TSPAN18: variants seen among roughly 807,000 people sequenced by gnomAD.
TSPAN18 encodes the protein tetraspanin 18, also known as tetraspanin-18.
TSPAN18 carries 14 observed loss-of-function variants against 27.3 expected under a neutral mutation model. The ratio of observed to expected loss-of-function variants is 0.51; its 90% confidence interval spans 0.34 to 0.80. The LOEUF (loss-of-function observed/expected upper bound fraction) is 0.80, where lower values mean the gene tolerates loss of function less well. Ranked by LOEUF, TSPAN18 falls within the 30% of genes least tolerant of loss-of-function variation. The pLI is 0.01. For missense variants in TSPAN18, 268 were observed against 323.9 expected, an observed-to-expected ratio of 0.83 and a Z score of 1.32; for synonymous variants, 143 against 136.5, an observed-to-expected ratio of 1.05 and a Z score of -0.33.
At chr11:44,817,066 G>A (rs932899889) in intron 2 of TSPAN18, among the ~76,000 whole-genome samples, 2 of 152,216 alleles carry the variant, frequency 1.3e-5, no homozygotes, top group African/African-American at 4.8e-5. Flanking sequence ...GAAGTGTGAG[G>A]CTGGAGGCGA....
In TSPAN18 at chr11:44,903,393, G is replaced by A. The variant is rs571964105; in HGVS notation, c.-10-3014G>A. On this transcript the variant is annotated intron_variant, in intron 3 of 9. Transcript: ENST00000520358. ...CTCCTTTGATGGTGGTGATAGGAAA[G>A]TCAGGGCAGGAATAACAAGAGGTGG... The A allele has an allele frequency of 9.6e-5, 42 of 436,144 alleles. No homozygotes were observed. The East Asian group carries it at 2.9e-3, about 31-fold the overall frequency. 27.0% of individuals were successfully genotyped at this position (436,144 alleles called of 1,614,324 possible).
chr11:44,839,147 A>G (rs1014772702), intron 2 of TSPAN18, among the ~76,000 whole-genome samples: 3 of 152,132 alleles, frequency 2.0e-5, no homozygotes, highest in Admixed American at 2.0e-4. Flanking sequence ...TGAGTTTCCA[A>G]CCCGACTGTT....
chr11:44,876,579 A>G (rs1464086501), intron 3 of TSPAN18, among the ~76,000 whole-genome samples: 1 of 152,204 alleles, frequency 6.6e-6, no homozygotes, highest in African/African-American at 2.4e-5. Flanking sequence ...ACCAAGGAAG[A>G]AAAGGTATTG....
At chr11:44,789,766 A>T (rs1856147512) in intron 2 of TSPAN18, among the ~76,000 whole-genome samples, 3 of 152,228 alleles carry the variant, frequency 2.0e-5, no homozygotes, top group Admixed American at 2.0e-4. Flanking sequence ...CTTGACTGTC[A>T]ACAGGACACC....
intron 2 of TSPAN18, among the ~76,000 whole-genome samples, chr11:44,778,448 A>C (rs1193272441): frequency 6.6e-6 from 1 of 152,158 alleles, no homozygotes; most frequent in Non-Finnish European, 1.5e-5. Flanking sequence ...CAAGCTAGGC[A>C]GGCACTATCT....
intron 2 of TSPAN18, among the ~76,000 whole-genome samples, chr11:44,805,483 CCGTGTTCCTCTCAAG>C (rs937824468): frequency 3.9e-5 from 6 of 152,168 alleles, no homozygotes; most frequent in African/African-American, 1.4e-4. Context: ...TCCAGGAAGC[CCGTGTTCCTCTCAAG>C]ATGAGATTGG....
chr11:44,894,789 G>A (rs1858983193), intron 3 of TSPAN18, among the ~76,000 whole-genome samples: 1 of 152,234 alleles, frequency 6.6e-6, no homozygotes, highest in Non-Finnish European at 1.5e-5. Context: ...CTGGGCCTCT[G>A]TGCCTCGCTG....
intron 3 of TSPAN18, among the ~76,000 whole-genome samples, chr11:44,904,423 T>C (rs933160766): frequency 6.6e-6 from 1 of 152,242 alleles, no homozygotes; most frequent in Non-Finnish European, 1.5e-5. Context: ...GACCTTCCTC[T>C]TGGGCTCCAG....
intron 1 of TSPAN18, among the ~76,000 whole-genome samples, chr11:44,745,125 A>G (rs986064841): frequency 6.6e-6 from 1 of 152,230 alleles, no homozygotes; most frequent in Non-Finnish European, 1.5e-5. Flanking sequence ...TGAGGGTCCA[A>G]TATGGGGCTG....
intron 1 of TSPAN18, among the ~76,000 whole-genome samples, chr11:44,753,292 C>T (rs1396460435): frequency 6.6e-6 from 1 of 152,058 alleles, no homozygotes; most frequent in African/African-American, 2.4e-5. Context: ...CCACCACACC[C>T]AGCTAATTTT....
At chr11:44,817,858 C>T (rs1024651648) in intron 2 of TSPAN18, among the ~76,000 whole-genome samples, 1 of 152,250 alleles carries the variant, frequency 6.6e-6, no homozygotes, top group Non-Finnish European at 1.5e-5. Flanking sequence ...GCTGAAGTCA[C>T]CCAGGTCACC....
chr11:44,918,542 C>A (rs1323435021), intron 6 of TSPAN18, among the ~76,000 whole-genome samples: 2 of 51,864 alleles, frequency 3.9e-5, no homozygotes, highest in African/African-American at 1.5e-4. Flanking sequence ...GAGACTGGGG[C>A]GGGGGGTTGG....
At chr11:44,751,189 CAT>C (rs1855202472) in intron 1 of TSPAN18, among the ~76,000 whole-genome samples, 1 of 152,184 alleles carries the variant, frequency 6.6e-6, no homozygotes, top group Non-Finnish European at 1.5e-5. Flanking sequence ...GGAAGAAACA[CAT>C]GTGAATTCAA....
chr11:44,735,882 G>T (rs1236610305), intron 1 of TSPAN18, among the ~76,000 whole-genome samples: 2 of 152,124 alleles, frequency 1.3e-5, no homozygotes, highest in Non-Finnish European at 2.9e-5. Flanking sequence ...CTCCCAAAGT[G>T]CTGGGATTAC....
At chr11:44,918,683 G>T (rs1860007575) in intron 6 of TSPAN18, among the ~76,000 whole-genome samples, 1 of 152,106 alleles carries the variant, frequency 6.6e-6, no homozygotes, top group African/African-American at 2.4e-5. Context: ...AGCAGACAAT[G>T]GTGCCCAGAT....
intron 5 of TSPAN18, among the ~76,000 whole-genome samples, chr11:44,910,959 A>G (rs1232780505): frequency 2.0e-5 from 3 of 152,232 alleles, no homozygotes; most frequent in African/African-American, 7.2e-5. Context: ...CAGCTCAGCT[A>G]TAGATCACAG....
chr11:44,779,834 T>C (rs572138917), intron 2 of TSPAN18, among the ~76,000 whole-genome samples: 2 of 152,166 alleles, frequency 1.3e-5, no homozygotes, highest in Non-Finnish European at 2.9e-5. Flanking sequence ...TGTCTGCCTA[T>C]GCACACACAT....
At chr11:44,814,666 C>CCATT (rs1565161925) in intron 2 of TSPAN18, among the ~76,000 whole-genome samples, 1 of 151,292 alleles carries the variant, frequency 6.6e-6, no homozygotes, top group Non-Finnish European at 1.5e-5. Context: ...ATCCATCCAT[C>CCATT]CATCCATCCA....
chr11:44,751,826 C>G (rs892838111), intron 1 of TSPAN18, among the ~76,000 whole-genome samples: 1 of 151,826 alleles, frequency 6.6e-6, no homozygotes, highest in Non-Finnish European at 1.5e-5. Flanking sequence ...ACTCAGGAAG[C>G]TGAGGCAGGA....
Sources: allele counts gnomAD v4.1 joint callset (sites outside exome capture counted in the v4.1 genomes callset), GRCh38; gene constraint gnomAD v4.1.1; transcripts MANE v1.5; gene names NCBI Gene and HGNC (gene_info 2026-07-23, HGNC 2026-07-21).